The following GALNTL6 variants were observed in gnomAD, a reference collection of about 807,000 sequenced individuals.
The protein encoded by GALNTL6 is polypeptide N-acetylgalactosaminyltransferase-like 6.
GALNTL6 carries 46 observed loss-of-function variants against 73.7 expected under a neutral mutation model. The observed-to-expected ratio is 0.62, with a 90% CI of 0.49 to 0.80. The LOEUF (loss-of-function observed/expected upper bound fraction) is 0.80, where lower values mean the gene tolerates loss of function less well. GALNTL6 is among the 30% of genes least tolerant of loss of function. The pLI is 0.00. For missense variants in GALNTL6, 604 were observed against 755.0 expected (o/e 0.80, Z 2.34); for synonymous variants, 259 against 263.7 (o/e 0.98, Z 0.17).
At chr4:171,892,176 C>A (rs890990326) in intron 2 of GALNTL6, among the ~76,000 whole-genome samples, 1 of 152,158 alleles carries the variant, frequency 6.6e-6, no homozygotes, top group Non-Finnish European at 1.5e-5. Context: ...CCCCAAGATA[C>A]TTCATTATGT....
chr4:172,546,597 G>A (rs78590206), intron 5 of GALNTL6, among the ~76,000 whole-genome samples: 2,549 of 151,168 alleles, frequency 0.017, 69 homozygotes, highest in African/African-American at 0.058. Flanking sequence ...ACCTGGAAAA[G>A]GACTGTCTTC....
intron 2 of GALNTL6, among the ~76,000 whole-genome samples, chr4:172,060,861 G>A (rs890488616): frequency 1.3e-5 from 2 of 152,070 alleles, no homozygotes; most frequent in African/African-American, 2.4e-5. Flanking sequence ...AGCATTTCAA[G>A]GTCTTCCAGT....
intron 5 of GALNTL6, among the ~76,000 whole-genome samples, chr4:172,412,655 A>G (rs1311172292): frequency 6.6e-6 from 1 of 152,148 alleles, no homozygotes; most frequent in Admixed American, 6.6e-5. Context: ...ATGTAAACAA[A>G]AATAATACAG....
At chr4:172,996,503 A>C (rs1202755453) in intron 10 of GALNTL6, among the ~76,000 whole-genome samples, 4 of 152,204 alleles carry the variant, frequency 2.6e-5, no homozygotes, top group Non-Finnish European at 4.4e-5. Context: ...AAGTTTACCT[A>C]TATGACAAAC....
chr4:172,403,640 A>G (rs1205881698), intron 5 of GALNTL6, among the ~76,000 whole-genome samples: 1 of 152,068 alleles, frequency 6.6e-6, no homozygotes, highest in Non-Finnish European at 1.5e-5. Context: ...GTCAAAAAGC[A>G]TATTAACTGA....
chr4:172,877,116 A>C, intron 7 of GALNTL6, among the ~76,000 whole-genome samples: 1 of 152,174 alleles, frequency 6.6e-6, no homozygotes. Context: ...AGTCTCCTTT[A>C]GTTTACTGAA....
At chr4:172,046,019 C>T (rs946405269) in intron 2 of GALNTL6, among the ~76,000 whole-genome samples, 6 of 151,930 alleles carry the variant, frequency 3.9e-5, no homozygotes, top group African/African-American at 1.5e-4. Context: ...TTGCAAATAG[C>T]ATAATTTTCT....
chr4:172,744,159 C>T (rs1396669043), intron 5 of GALNTL6, among the ~76,000 whole-genome samples: 1 of 152,106 alleles, frequency 6.6e-6, no homozygotes, highest in Non-Finnish European at 1.5e-5. Context: ...TCTGCATCCC[C>T]ACTGAACTGA....
chr4:172,348,464 G>T, intron 4 of GALNTL6, 59 bp from the exon 5 acceptor site: 2 of 1,352,362 alleles, frequency 1.5e-6, no homozygotes, highest in South Asian at 1.3e-5. Flanking sequence ...ATAAACAACA[G>T]AATAAGATAT....
intron 5 of GALNTL6, among the ~76,000 whole-genome samples, chr4:172,387,304 G>A (rs531656028): frequency 3.3e-5 from 5 of 152,182 alleles, no homozygotes; most frequent in African/African-American, 1.2e-4. Flanking sequence ...TTCAGCCTAA[G>A]GTTTCTTTCT....
intron 2 of GALNTL6, among the ~76,000 whole-genome samples, chr4:172,134,411 A>G (rs913282844): frequency 2.8e-4 from 43 of 152,106 alleles, no homozygotes; most frequent in African/African-American, 1.0e-3. Flanking sequence ...AACAGTGGAC[A>G]TGAGAAAATG....
intron 2 of GALNTL6, among the ~76,000 whole-genome samples, chr4:171,862,002 T>C (rs1017020683): frequency 8.5e-5 from 13 of 152,174 alleles, no homozygotes; most frequent in Non-Finnish European, 2.9e-5. Flanking sequence ...TGGTCTTATA[T>C]GGAAGGTGGT....
intron 5 of GALNTL6, among the ~76,000 whole-genome samples, chr4:172,670,589 A>G (rs1731919413): frequency 6.6e-6 from 1 of 151,898 alleles, no homozygotes; most frequent in Admixed American, 6.5e-5. Context: ...ATTTTCTGCC[A>G]TTCCATAGGT....
chr4:172,950,350 G>A (rs1468041752), intron 9 of GALNTL6, among the ~76,000 whole-genome samples: 3 of 152,210 alleles, frequency 2.0e-5, no homozygotes, highest in East Asian at 1.9e-4. Context: ...AAGGTCATTA[G>A]CCTATCTTCC....
At chr4:172,882,209 A>G (rs1268729722) in intron 7 of GALNTL6, among the ~76,000 whole-genome samples, 3 of 152,202 alleles carry the variant, frequency 2.0e-5, no homozygotes, top group Non-Finnish European at 4.4e-5. Flanking sequence ...AGAATAGTAT[A>G]AAATGAAAAG....
chr4:172,561,781 G>A (rs1165190578), intron 5 of GALNTL6, among the ~76,000 whole-genome samples: 2 of 152,190 alleles, frequency 1.3e-5, no homozygotes, highest in African/African-American at 4.8e-5. Context: ...CTCTTGAGGT[G>A]AGACCCAGGC....
chr4:172,248,853 T>C (rs577241144), intron 3 of GALNTL6, among the ~76,000 whole-genome samples: 1 of 152,136 alleles, frequency 6.6e-6, no homozygotes, highest in Admixed American at 6.5e-5. Context: ...TCCAAAATGA[T>C]TATAAGTTTT....
intron 5 of GALNTL6, among the ~76,000 whole-genome samples, chr4:172,393,411 C>T (rs749431979): frequency 6.6e-6 from 1 of 152,126 alleles, no homozygotes; most frequent in Non-Finnish European, 1.5e-5. Flanking sequence ...TAACTACCCT[C>T]AGGCCAAATT....
intron 5 of GALNTL6, among the ~76,000 whole-genome samples, chr4:172,751,006 G>A (rs184619621): frequency 1.3e-5 from 2 of 152,244 alleles, no homozygotes; most frequent in East Asian, 3.9e-4. Flanking sequence ...TATGTGGGTT[G>A]TGAAGTGGTG....
Sources: allele counts gnomAD v4.1 joint callset (sites outside exome capture counted in the v4.1 genomes callset), GRCh38; gene constraint gnomAD v4.1.1; transcripts MANE v1.5; gene names NCBI Gene and HGNC (gene_info 2026-07-23, HGNC 2026-07-21).